Variants in DAPK1 observed in about 807,000 individuals in gnomAD.
DAPK1 encodes death associated protein kinase 1.
A neutral mutation model predicts 144.9 loss-of-function variants in DAPK1; 56 were observed. The observed-to-expected ratio is 0.39, with a 90% CI of 0.31 to 0.48. DAPK1 has a LOEUF of 0.48. DAPK1 is among the 20% of genes least tolerant of loss of function. The probability of loss-of-function intolerance (pLI) is 0.95; values close to 1 mark genes in which losing one functional copy is unlikely to be tolerated. For synonymous variants in DAPK1, 690 were observed against 749.0 expected, an observed-to-expected ratio of 0.92 and a Z score of 1.29; for missense variants, 1,454 against 1,875.4, an observed-to-expected ratio of 0.78 and a Z score of 4.15.
intron 18 of DAPK1, among the ~76,000 whole-genome samples, chr9:87,665,449 C>T (rs1831017835): frequency 1.3e-5 from 2 of 152,136 alleles, no homozygotes; most frequent in African/African-American, 4.8e-5. Context: ...CCATATTTTC[C>T]CCAACACTAT....
chr9:87,633,192 T>C lies in DAPK1; in HGVS notation c.285-4751T>C. The C allele has an allele frequency of 1.1e-5, 11 of 983,010 alleles. No homozygotes were observed. The South Asian group carries it at 4.7e-4, about 42-fold the overall frequency. The allele number at this position is 983,010 out of a possible 1,614,324, so 60.9% of individuals were successfully genotyped here. ...GTAGGGATGAAGGGTGATCAGTATA[T>C]ATGTAGGGATGAAGGAGATTGAGTA... On this transcript the variant is annotated intron_variant, in intron 3 of 25. Transcript: ENST00000408954.
chr9:87,646,010 A>G lies in DAPK1; in HGVS notation c.1127A>G (p.Asn376Ser), dbSNP rs2119158514. Residue 376 changes from asparagine to serine, a missense_variant, in exon 12 of 26, where the codon AAC becomes AGC. Physicochemically the swap from Asn to Ser is conservative, Grantham distance 46. Around this residue, in one of 2 missense-constraint regions of DAPK1, gnomAD observed 429 missense variants for 637.5 expected, o/e 0.67. Transcript: ENST00000408954. ...SLSNYDVNQP[N>S]KHGTPPLLIA... ...TCCAACTATGATGTTAACCAACCCA[A>G]CAAGGTCTGGTTCTGTTCTGCCGCA... is the stretch of plus-strand genomic sequence containing the variant. The G allele has an allele frequency of 2.5e-6, 4 of 1,613,910 alleles. No individual in the cohort carries two copies. Among genetic ancestry groups the G allele is most frequent in the East Asian group, 2.2e-5 (1 of 44,884 alleles).
intron 17 of DAPK1, 120 bp from the exon 18 acceptor site, chr9:87,657,909 G>C (rs1830687203): frequency 1.4e-6 from 1 of 703,176 alleles, no homozygotes; most frequent in Middle Eastern, 2.3e-4. Flanking sequence ...GGAGAAGGGA[G>C]ATGGCTCCTT....
chr9:87,643,972 T>A (rs1830184548), intron 11 of DAPK1, among the ~76,000 whole-genome samples: 1 of 152,116 alleles, frequency 6.6e-6, no homozygotes, highest in Admixed American at 6.5e-5. Context: ...TCAGGGAGAA[T>A]GCAGTGCTGC....
At position 87,681,617 on chromosome 9, in the gene DAPK1, A is replaced by G; in HGVS notation, c.2215A>G (p.Lys739Glu). The change falls in exon 20 of 26, where the codon AAG (lysine) becomes GAG (glutamate). Residue 739 changes from lysine to glutamate, a missense_variant. Around this residue, in one of 2 missense-constraint regions of DAPK1, gnomAD observed 1,025 missense variants for 1,237.9 expected, o/e 0.83. Transcript: ENST00000408954. ...SRFPPSPLAS[K>E]PTVSVSINNL... ...GTTCCCACCTTCACCCCTGGCTTCT[A>G]AGCCCACAGGTAGGAACCTCCATGC... 6.4e-7 allele frequency: 1 copy of G among 1,567,106 alleles called. No homozygotes were observed. The highest frequency in any genetic ancestry group is 8.8e-7 in the Non-Finnish European group (1 of 1,137,202).
intron 19 of DAPK1, among the ~76,000 whole-genome samples, chr9:87,674,733 C>T (rs1281389383): frequency 6.6e-6 from 1 of 152,148 alleles, no homozygotes; most frequent in Non-Finnish European, 1.5e-5. Context: ...GGCCACATCG[C>T]CTCTCAGTGC....
intron 3 of DAPK1, among the ~76,000 whole-genome samples, chr9:87,610,389 AC>A (rs1828881329): frequency 6.6e-6 from 1 of 152,232 alleles, no homozygotes; most frequent in South Asian, 2.1e-4. Context: ...CAAAACTTTC[AC>A]CTTCAGTGCT....
At chr9:87,557,089 C>A (rs529646066) in intron 2 of DAPK1, among the ~76,000 whole-genome samples, 1 of 152,146 alleles carries the variant, frequency 6.6e-6, no homozygotes. Context: ...TCCCTCTTGG[C>A]GGTGTTGCGG....
chr9:87,690,827 T>C (rs556485616), intron 21 of DAPK1, among the ~76,000 whole-genome samples: 2 of 152,178 alleles, frequency 1.3e-5, no homozygotes, highest in East Asian at 3.9e-4. Context: ...TTTTGTTCTT[T>C]CTGTTGATGT....
At chr9:87,531,417 C>T (rs1825694953) in intron 2 of DAPK1, among the ~76,000 whole-genome samples, 1 of 152,136 alleles carries the variant, frequency 6.6e-6, no homozygotes. Context: ...TTTGGGGAAC[C>T]AGAATAAATA....
chr9:87,510,169 G>A lies in DAPK1; in HGVS notation c.62+11030G>A, dbSNP rs141419016. On this transcript the variant is annotated intron_variant, in intron 2 of 25. Coordinates refer to ENST00000408954, the MANE Select transcript of DAPK1 (RefSeq NM_004938.4). ...TCTGTGCGTTCCTCCCCACCCCTTC[G>A]TTGGCTGGAAGAGATAACGCTTGAC... Among the ~76,000 whole-genome samples, 14 of 152,276 alleles carry A rather than the reference G, an allele frequency of 9.2e-5. No homozygotes were observed. The East Asian group carries it at 2.1e-3, about 23-fold the overall frequency.
intron 2 of DAPK1, among the ~76,000 whole-genome samples, chr9:87,530,466 A>G (rs10512186): frequency 0.45 from 68,179 of 152,016 alleles, 15,565 homozygotes; most frequent in South Asian, 0.58. Flanking sequence ...TCCAAGGGTC[A>G]AATCTTATGT....
chr9:87,601,702 C>G (rs117951729), intron 2 of DAPK1, among the ~76,000 whole-genome samples: 48 of 152,290 alleles, frequency 3.2e-4, no homozygotes, highest in Non-Finnish European at 6.5e-4. Flanking sequence ...CTAAACACTT[C>G]ATGCGCTCAT....
rs375925899 is a variant in DAPK1, at chr9:87,630,188, G to A, written c.285-7755G>A. ...CCATAAGATAATTGTCATGATTAAA[G>A]CCTAAGGTTCTGGGGAGATTTGTTA... is the stretch of plus-strand genomic sequence containing the variant. On this transcript the variant is annotated intron_variant, in intron 3 of 25. Coordinates refer to ENST00000408954, the MANE Select transcript of DAPK1 (RefSeq NM_004938.4). 4.4e-4 allele frequency among the ~76,000 whole-genome samples: 67 copies of A among 152,298 alleles called. 2 individuals carry two copies. The South Asian group carries it at 0.013, about 30-fold the overall frequency.
chr9:87,632,322 CATGTAGGGACAAGGAGGATGAGTACAT>C (rs1242088351), intron 3 of DAPK1: 2 of 977,208 alleles, frequency 2.0e-6, no homozygotes, highest in Non-Finnish European at 2.4e-6. Flanking sequence ...GATGAGTATA[CATGTAGGGACAAGGAGGATGAGTACAT>C]ATGTAGGGAT....
At chr9:87,540,221 G>A (rs1169297640) in intron 2 of DAPK1, among the ~76,000 whole-genome samples, 8 of 110,092 alleles carry the variant, frequency 7.3e-5, no homozygotes, top group Non-Finnish European at 1.0e-4. Flanking sequence ...ACAGAGTCTC[G>A]TTCTGTCATC....
At chr9:87,524,873 CTT>C (rs1226708993) in intron 2 of DAPK1, among the ~76,000 whole-genome samples, 1 of 152,072 alleles carries the variant, frequency 6.6e-6, no homozygotes, top group African/African-American at 2.4e-5. Flanking sequence ...ACACAATAGA[CTT>C]TGGGGACTTA....
intron 4 of DAPK1, 31 bp downstream of exon 4, chr9:87,638,112 C>T: frequency 6.3e-7 from 1 of 1,584,772 alleles, no homozygotes. Flanking sequence ...CAGATAGAAG[C>T]TTGTGCAGAT....
chr9:87,609,703 G>A (rs115593227), intron 3 of DAPK1, among the ~76,000 whole-genome samples: 121 of 152,284 alleles, frequency 7.9e-4, no homozygotes, highest in African/African-American at 2.9e-3. Context: ...TACAGGGGTG[G>A]TTAGGGAGAG....
Sources: gnomAD v4.1 joint callset for allele counts (sites outside exome capture counted in the v4.1 genomes callset) on GRCh38, gnomAD v4.1.1 for gene constraint, gnomAD v4.1.1 regional missense constraint, MANE v1.5 for transcripts, NCBI Gene and HGNC (gene_info 2026-07-23, HGNC 2026-07-21) for gene names.